The following UBE2D3 variants were observed in gnomAD, a reference collection of about 807,000 sequenced individuals.
The protein encoded by UBE2D3 is ubiquitin-conjugating enzyme E2 D3.
UBE2D3 carries 2 observed loss-of-function variants against 22.8 expected under a neutral mutation model. That is an observed-to-expected ratio of 0.09 (90% CI 0.04 to 0.28). UBE2D3 has a LOEUF of 0.28. Ranked by LOEUF, UBE2D3 falls within the 10% of genes least tolerant of loss-of-function variation. The pLI is 1.00. For synonymous variants in UBE2D3, 56 were observed against 60.4 expected, an observed-to-expected ratio of 0.93 and a Z score of 0.34; for missense variants, 27 against 182.5, an observed-to-expected ratio of 0.15 and a Z score of 4.91.
In UBE2D3 at chr4:102,796,630, C is replaced by G. The variant is rs1725295936; in HGVS notation, c.*785G>C. ...TTATTGAAGAAAAATAAATCAATTACTAGCAGAGCTATTAGTTGATCACTC... is the reference window on the plus strand; with the variant it reads ...TTATTGAAGAAAAATAAATCAATTAGTAGCAGAGCTATTAGTTGATCACTC... On this transcript the variant is annotated 3_prime_UTR_variant, in exon 8 of 8. Coordinates refer to ENST00000453744, the MANE Select transcript of UBE2D3 (RefSeq NM_181891.3). 6.6e-6 allele frequency: 1 copy of G among 152,420 alleles called. No individual in the cohort carries two copies. Among genetic ancestry groups the G allele is most frequent in the South Asian group, 2.1e-4 (1 of 4,824 alleles). The allele number at this position is 152,420 out of a possible 1,614,324, so 9.4% of individuals were successfully genotyped here.
chr4:102,811,738 G>GC (rs1728073018), intron 2 of UBE2D3: 1 of 435,858 alleles, frequency 2.3e-6, no homozygotes, highest in Non-Finnish European at 4.5e-6. Flanking sequence ...GTACTAGAAA[G>GC]CAAAAGAAAG....
At chr4:102,811,700 C>A in intron 2 of UBE2D3, 1 of 398,608 alleles carries the variant, frequency 2.5e-6, no homozygotes, top group East Asian at 8.0e-5. Context: ...CCCAGAAAAG[C>A]TGAACGTACT....
At chr4:102,858,787 TAC>T (rs1732744482) in intron 1 of UBE2D3, among the ~76,000 whole-genome samples, 1 of 151,952 alleles carries the variant, frequency 6.6e-6, no homozygotes. Flanking sequence ...TTAGATCTCA[TAC>T]AAAAACTCGA....
chr4:102,847,159 A>G (rs1732079021), intron 1 of UBE2D3, among the ~76,000 whole-genome samples: 2 of 152,310 alleles, frequency 1.3e-5, no homozygotes, highest in South Asian at 2.1e-4. Context: ...CAGCATTAGA[A>G]TAGGAAAGGG....
At chr4:102,833,058 A>G (rs1000691654) in intron 1 of UBE2D3, among the ~76,000 whole-genome samples, 21 of 151,896 alleles carry the variant, frequency 1.4e-4, no homozygotes, top group Admixed American at 2.6e-4. Context: ...AAATAACTTG[A>G]AACAATAGTA....
intron 2 of UBE2D3, among the ~76,000 whole-genome samples, chr4:102,822,664 G>T (rs914773630): frequency 6.7e-6 from 1 of 148,536 alleles, no homozygotes; most frequent in African/African-American, 2.5e-5. Flanking sequence ...CAGGCCACGT[G>T]GTGGCTCACG....
rs1725165954 is a variant in UBE2D3 at position 102,795,340 on chromosome 4, G to GAT, written c.*2073_*2074dup. The GAT allele has an allele frequency of 6.6e-6, 1 of 152,070 alleles. No homozygotes were observed. The highest frequency in any genetic ancestry group is 2.4e-5 in the African/African-American group (1 of 41,432). The allele number at this position is 152,070 out of a possible 1,614,324, so 9.4% of individuals were successfully genotyped here. A position where few individuals can be genotyped will look rare whatever the true frequency, so the allele number is the denominator to read the frequency against. ...CACTCATGTTTGGCTTTCAAGAAGT[G>GAT]ATATGCCTACTAAAGCTGTTATTTT... On this transcript the variant is annotated 3_prime_UTR_variant, in exon 8 of 8. Coordinates refer to ENST00000453744, the MANE Select transcript of UBE2D3 (RefSeq NM_181891.3).
intron 1 of UBE2D3, among the ~76,000 whole-genome samples, chr4:102,835,789 C>T (rs947156017): frequency 1.4e-5 from 2 of 141,632 alleles, no homozygotes; most frequent in Admixed American, 7.1e-5. Context: ...TATATATATA[C>T]CCATGAAGCT....
chr4:102,868,670 G>T (rs764536270), intron 1 of UBE2D3: 1 of 1,613,826 alleles, frequency 6.2e-7, no homozygotes, highest in South Asian at 1.1e-5. Context: ...TGTAGGGGAA[G>T]AGGCGGGGCG....
intron 4 of UBE2D3, among the ~76,000 whole-genome samples, chr4:102,805,598 G>A (rs1042954460): frequency 2.6e-5 from 4 of 151,358 alleles, no homozygotes; most frequent in African/African-American, 9.7e-5. Flanking sequence ...GTAAATTCTC[G>A]GGCCTCAGCC....
At position 102,826,518 on chromosome 4, in the gene UBE2D3, T is replaced by C. The variant is rs1219123163; in HGVS notation, c.-10A>G. The C allele has an allele frequency of 2.5e-6, 4 of 1,613,534 alleles. No individual in the cohort carries two copies. The highest frequency in any genetic ancestry group is 1.7e-5 in the Admixed American group (1 of 60,004). ...TCCGTTTCAGCGCCATAGTGTGTGC[T>C]TGTCGTCTGGCTCCTCACTCTCTCG... On this transcript the variant is annotated 5_prime_UTR_variant, in exon 2 of 8. Transcript: ENST00000453744.
chr4:102,827,390 T>G (rs1322045580), intron 1 of UBE2D3, 37 bp downstream of exon 1: 2 of 985,892 alleles, frequency 2.0e-6, no homozygotes. Flanking sequence ...TGGGCCGGCC[T>G]CCCTTCCCTG....
At chr4:102,864,959 C>T (rs223338) in intron 1 of UBE2D3, among the ~76,000 whole-genome samples, 88,945 of 152,046 alleles carry the variant, frequency 0.58, 27,606 homozygotes, top group African/African-American at 0.81. Context: ...ACATAGTTGT[C>T]TGTATGTAAA....
At chr4:102,799,319 T>A in intron 7 of UBE2D3, 88 bp downstream of exon 7, 1 of 992,674 alleles carries the variant, frequency 1.0e-6, no homozygotes, top group East Asian at 2.5e-5. Flanking sequence ...TTACTAAATA[T>A]CAAGTCTTCT....
At chr4:102,817,272 A>C (rs1394006522) in intron 2 of UBE2D3, among the ~76,000 whole-genome samples, 2 of 152,324 alleles carry the variant, frequency 1.3e-5, no homozygotes, top group African/African-American at 2.4e-5. Flanking sequence ...ATTTAGTCAG[A>C]CTATTCCAAA....
At chr4:102,829,104 AGCAGT>A (rs1730962123), upstream of UBE2D3, among the ~76,000 whole-genome samples, 1 of 152,246 alleles carries the variant, frequency 6.6e-6, no homozygotes, top group Non-Finnish European at 1.5e-5. Flanking sequence ...TCACTAGTGA[AGCAGT>A]GCTTCTCAAA....
rs943672955 is a variant in UBE2D3 at position 102,796,471 on chromosome 4, A to G, written c.*944T>C. The G allele has an allele frequency of 1.3e-5, 2 of 152,446 alleles. No individual in the cohort carries two copies. Among genetic ancestry groups the G allele is most frequent in the African/African-American group, 4.8e-5 (2 of 41,426 alleles). 9.4% of individuals were successfully genotyped at this position (152,446 alleles called of 1,614,324 possible). A position where few individuals can be genotyped will look rare whatever the true frequency, so the allele number is the denominator to read the frequency against. ...ACATGGCAAAATATTCACTCTTTCG[A>G]ACTTTACATCATCATTTGATGTCAA... On this transcript the variant is annotated 3_prime_UTR_variant, in exon 8 of 8. Coordinates refer to ENST00000453744, the MANE Select transcript of UBE2D3 (RefSeq NM_181891.3).
intron 4 of UBE2D3, 46 bp downstream of exon 4, chr4:102,809,626 G>A: frequency 6.5e-7 from 1 of 1,534,852 alleles, no homozygotes; most frequent in Non-Finnish European, 8.8e-7. Context: ...CCAAATCAAT[G>A]CTGGATTTTC....
intron 1 of UBE2D3, among the ~76,000 whole-genome samples, chr4:102,835,247 ACT>A (rs997508471): frequency 6.6e-6 from 1 of 152,152 alleles, no homozygotes; most frequent in African/African-American, 2.4e-5. Flanking sequence ...GAACATACAT[ACT>A]TTTTTCTTGT....
Sources: allele counts gnomAD v4.1 joint callset (sites outside exome capture counted in the v4.1 genomes callset), GRCh38; gene constraint gnomAD v4.1.1; transcripts MANE v1.5; gene names NCBI Gene and HGNC (gene_info 2026-07-23, HGNC 2026-07-21).